NEXMIF: variants seen among roughly 807,000 people sequenced by gnomAD.
NEXMIF encodes neurite extension and migration factor, also known as XLMR protein related to neurite extension.
In NEXMIF, 8 loss-of-function variants were observed where a neutral mutation model predicts 62.1. That is an observed-to-expected ratio of 0.13 (90% CI 0.08 to 0.23). The LOEUF is 0.23. NEXMIF is among the 10% of genes least tolerant of loss of function. The probability of loss-of-function intolerance (pLI) is 1.00; values close to 1 mark genes in which losing one functional copy is unlikely to be tolerated. For synonymous variants in NEXMIF, 404 were observed against 416.6 expected (o/e 0.97, Z 0.37); for missense variants, 976 against 1,113.3 (o/e 0.88, Z 1.75).
intron 1 of NEXMIF, among the ~76,000 whole-genome samples, chrX:74,809,943 C>T (rs890624302): frequency 3.6e-5 from 4 of 111,460 alleles, no homozygotes; most frequent in Admixed American, 2.9e-4. Context: ...CTCAAAGGAC[C>T]GTTATTAGTA....
intron 1 of NEXMIF, among the ~76,000 whole-genome samples, chrX:74,913,860 A>T (rs186360329): frequency 1.8e-5 from 2 of 112,363 alleles, no homozygotes; most frequent in East Asian, 5.6e-4. Flanking sequence ...CAGAAGAAGG[A>T]AAACTAAGAT....
intron 1 of NEXMIF, among the ~76,000 whole-genome samples, chrX:74,921,362 T>C (rs2080826555): frequency 1.8e-5 from 2 of 111,269 alleles, no homozygotes; most frequent in Non-Finnish European, 3.8e-5. Context: ...CAGACCAGAT[T>C]TCCCCAAGGT....
At chrX:74,888,830 A>C (rs1396882934) in intron 1 of NEXMIF, among the ~76,000 whole-genome samples, 1 of 112,279 alleles carries the variant, frequency 8.9e-6, no homozygotes, top group East Asian at 2.8e-4. Flanking sequence ...CATTGTTCCC[A>C]AAATTTATAT....
intron 1 of NEXMIF, among the ~76,000 whole-genome samples, chrX:74,799,502 C>T (rs2147469832): frequency 8.9e-6 from 1 of 111,958 alleles, no homozygotes; most frequent in Admixed American, 9.4e-5. Flanking sequence ...TAGAGTAGCC[C>T]CACGCTATTT....
intron 1 of NEXMIF, among the ~76,000 whole-genome samples, chrX:74,748,147 G>A (rs1042086761): frequency 8.9e-6 from 1 of 112,080 alleles, no homozygotes; most frequent in African/African-American, 3.2e-5. Flanking sequence ...GTGGGGACAT[G>A]GGAGGTTGGA....
chrX:74,792,228 A>G (rs1393977423), intron 1 of NEXMIF, among the ~76,000 whole-genome samples: 1 of 111,325 alleles, frequency 9.0e-6, no homozygotes, highest in East Asian at 2.8e-4. Flanking sequence ...TCATTTCGTT[A>G]TGTACCCAGT....
intron 1 of NEXMIF, among the ~76,000 whole-genome samples, chrX:74,791,611 C>T (rs1378289284): frequency 9.0e-6 from 1 of 111,093 alleles, no homozygotes; most frequent in Non-Finnish European, 1.9e-5. Context: ...TGGTCCTGGA[C>T]TCTTTTTGGT....
At chrX:74,877,106 G>C (rs1370496377) in intron 1 of NEXMIF, among the ~76,000 whole-genome samples, 1 of 111,556 alleles carries the variant, frequency 9.0e-6, no homozygotes. Flanking sequence ...TTACATTTTG[G>C]CATGATTTTG....
intron 1 of NEXMIF, among the ~76,000 whole-genome samples, chrX:74,897,037 G>C (rs2080735059): frequency 8.9e-6 from 1 of 112,225 alleles, no homozygotes. Context: ...CATTTCTTAA[G>C]TGTTTGCATT....
chrX:74,764,738 GT>G lies in NEXMIF; in HGVS notation c.-47-19042del, dbSNP rs1388338211. ...CATGCTATTGCACTGTTTTCTGTGA[GT>G]TTTTTTTTAGTCCTGATTGCTATCT... On this transcript the variant is annotated intron_variant, in intron 1 of 3. Transcript: ENST00000055682. Among the ~76,000 whole-genome samples the G allele has an allele frequency of 6.3e-5, 7 of 110,773 alleles. No homozygotes were observed. In the East Asian group the frequency reaches 8.6e-4, roughly 14 times the overall value.
intron 1 of NEXMIF, among the ~76,000 whole-genome samples, chrX:74,845,662 G>A (rs907175084): frequency 9.0e-6 from 1 of 111,108 alleles, no homozygotes; most frequent in African/African-American, 3.3e-5. Context: ...ACCTATTTGT[G>A]ATATAATTCA....
chrX:74,816,574 C>T (rs2080376823), intron 1 of NEXMIF, among the ~76,000 whole-genome samples: 1 of 111,881 alleles, frequency 8.9e-6, no homozygotes, highest in Non-Finnish European at 1.9e-5. Context: ...AGCAAACACT[C>T]TCTTTACACT....
chrX:74,796,524 C>G (rs2080312575), intron 1 of NEXMIF, among the ~76,000 whole-genome samples: 1 of 106,562 alleles, frequency 9.4e-6, no homozygotes, highest in Non-Finnish European at 1.9e-5. Flanking sequence ...CATTCTAGGG[C>G]TAGGTCAGGG....
chrX:74,874,993 C>T (rs1283418471), intron 1 of NEXMIF, among the ~76,000 whole-genome samples: 2 of 111,229 alleles, frequency 1.8e-5, no homozygotes, highest in Non-Finnish European at 3.8e-5. Context: ...ATTTCCTTCT[C>T]CTGCCTCATT....
intron 1 of NEXMIF, among the ~76,000 whole-genome samples, chrX:74,888,688 C>T (rs1217033900): frequency 1.9e-5 from 2 of 104,922 alleles, no homozygotes; most frequent in Non-Finnish European, 3.8e-5. Context: ...ATCTAAAGTA[C>T]AATAAAAAAA....
At chrX:74,889,254 G>T (rs1227708970) in intron 1 of NEXMIF, among the ~76,000 whole-genome samples, 1 of 111,144 alleles carries the variant, frequency 9.0e-6, no homozygotes, top group African/African-American at 3.3e-5. Flanking sequence ...ATTGTGCTTT[G>T]AAAGTGAAAA....
intron 1 of NEXMIF, among the ~76,000 whole-genome samples, chrX:74,792,233 C>T (rs1473117528): frequency 2.7e-5 from 3 of 111,333 alleles, no homozygotes; most frequent in Non-Finnish European, 5.7e-5. Flanking sequence ...TCGTTATGTA[C>T]CCAGTAGTCA....
At chrX:74,775,203 G>A (rs759942613) in intron 1 of NEXMIF, among the ~76,000 whole-genome samples, 1 of 110,770 alleles carries the variant, frequency 9.0e-6, no homozygotes, top group Non-Finnish European at 1.9e-5. Context: ...CAATTTTCTT[G>A]TCTCAACCAG....
intron 1 of NEXMIF, among the ~76,000 whole-genome samples, chrX:74,864,140 C>T (rs766890745): frequency 1.1e-4 from 12 of 111,366 alleles, no homozygotes; most frequent in Non-Finnish European, 2.1e-4. Context: ...TTCATGAAAG[C>T]TGGAAGCATT....
Sources: allele counts gnomAD v4.1 joint callset (sites outside exome capture counted in the v4.1 genomes callset), GRCh38; gene constraint gnomAD v4.1.1; transcripts MANE v1.5; gene names NCBI Gene and HGNC (gene_info 2026-07-23, HGNC 2026-07-21).